ZNF710: variants seen among roughly 807,000 people sequenced by gnomAD.
The protein encoded by ZNF710 is zinc finger protein 710.
Under a neutral mutation model 50.6 loss-of-function variants are expected in ZNF710, and 13 were observed. The observed-to-expected ratio is 0.26, with a 90% CI of 0.17 to 0.41. ZNF710 has a LOEUF of 0.41. Among genes scored for constraint, ZNF710 ranks in the 10% least tolerant of loss-of-function variants. ZNF710 has a pLI of 1.00. For missense variants in ZNF710, 721 were observed against 936.6 expected (o/e 0.77, Z 3.01); for synonymous variants, 383 against 397.0 (o/e 0.96, Z 0.42).
At chr15:90,043,037 C>T (rs758625973) in intron 1 of ZNF710, among the ~76,000 whole-genome samples, 3 of 152,248 alleles carry the variant, frequency 2.0e-5, no homozygotes, top group Non-Finnish European at 2.9e-5. Flanking sequence ...GAGCAGGCGG[C>T]GGGCTTCTTT....
chr15:90,073,999 AC>A (rs371893256), intron 3 of ZNF710, 116 bp from the exon 4 acceptor site: 9,537 of 947,198 alleles, frequency 0.01, 257 homozygotes, highest in East Asian at 0.037. Flanking sequence ...CAAAAAAAAA[AC>A]AAAAAAAAAA....
At chr15:90,007,813 C>T (rs1041729756) in intron 1 of ZNF710, among the ~76,000 whole-genome samples, 4 of 151,528 alleles carry the variant, frequency 2.6e-5, no homozygotes, top group African/African-American at 9.7e-5. Flanking sequence ...TCACCCCCAC[C>T]CCCACTTTAC....
At chr15:90,048,451 C>T (rs80251423) in intron 1 of ZNF710, among the ~76,000 whole-genome samples, 1 of 152,346 alleles carries the variant, frequency 6.6e-6, no homozygotes, top group African/African-American at 2.4e-5. Context: ...GGGTGACTTG[C>T]TTCCTGGCTG....
chr15:90,001,747 C>G (rs945229901), intron 1 of ZNF710, 133 bp downstream of exon 1: 21 of 145,592 alleles, frequency 1.4e-4, no homozygotes, highest in African/African-American at 4.7e-4. Flanking sequence ...CCGCCTCTCC[C>G]TGGGGACGGC....
intron 1 of ZNF710, among the ~76,000 whole-genome samples, chr15:90,031,365 G>C (rs546935728): frequency 1.0e-3 from 156 of 152,308 alleles, no homozygotes; most frequent in Non-Finnish European, 1.9e-3. Context: ...TGGAAACGAA[G>C]TATCTCTCAC....
chr15:90,074,015 A>G, intron 3 of ZNF710, 101 bp from the exon 4 acceptor site: 2 of 1,337,366 alleles, frequency 1.5e-6, no homozygotes, highest in Non-Finnish European at 2.0e-6. Context: ...AAAAAAAACA[A>G]AAGAATAGGA....
intron 1 of ZNF710, among the ~76,000 whole-genome samples, chr15:90,042,126 A>G (rs1899314104): frequency 6.6e-6 from 1 of 151,642 alleles, no homozygotes; most frequent in Admixed American, 6.6e-5. Flanking sequence ...TGAACTCCTG[A>G]CCTCAGGTGA....
chr15:90,007,722 C>T (rs147179586), intron 1 of ZNF710, among the ~76,000 whole-genome samples: 2 of 151,164 alleles, frequency 1.3e-5, no homozygotes, highest in Non-Finnish European at 2.9e-5. Context: ...GTCCCAGAGT[C>T]GCTGGTTGCA....
At chr15:90,043,623 G>A (rs1054436865) in intron 1 of ZNF710, among the ~76,000 whole-genome samples, 1 of 152,198 alleles carries the variant, frequency 6.6e-6, no homozygotes, top group Admixed American at 6.5e-5. Flanking sequence ...AGGAGAGAAG[G>A]AGAAAAGAAG....
At chr15:90,046,602 A>C (rs1192137298) in intron 1 of ZNF710, among the ~76,000 whole-genome samples, 1 of 152,096 alleles carries the variant, frequency 6.6e-6, no homozygotes, top group African/African-American at 2.4e-5. Flanking sequence ...ATCAGTAGTG[A>C]CCAGACCCAG....
In ZNF710 at chr15:90,079,867, G is replaced by C. The variant is rs374812585; in HGVS notation, c.*38G>C. The C allele has an allele frequency of 6.4e-7, 1 of 1,555,044 alleles. No homozygotes were observed. Among genetic ancestry groups the C allele is most frequent in the Non-Finnish European group, 8.6e-7 (1 of 1,156,306 alleles). ...CACCCCTAACGGGGGCCGGGGGCGA[G>C]GGCATGGGGGTGAGACCCATGGGCT... On this transcript the variant is annotated 3_prime_UTR_variant, in exon 5 of 5. Transcript: ENST00000268154.
chr15:90,001,677 G>C (rs1399856010), intron 1 of ZNF710, 63 bp downstream of exon 1: 1 of 144,176 alleles, frequency 6.9e-6, no homozygotes, highest in South Asian at 2.1e-4. Context: ...CCGCGCTGCC[G>C]GCCGGCGGGG....
At chr15:90,011,153 C>G (rs1898291881) in intron 1 of ZNF710, among the ~76,000 whole-genome samples, 1 of 152,164 alleles carries the variant, frequency 6.6e-6, no homozygotes, top group Non-Finnish European at 1.5e-5. Flanking sequence ...TGGTCTTGAA[C>G]TCCTGACCTC....
intron 4 of ZNF710, chr15:90,074,906 A>C (rs913469654): frequency 1.7e-5 from 4 of 241,886 alleles, no homozygotes; most frequent in African/African-American, 9.5e-5. Context: ...CACACTCTTC[A>C]CAAGTGCCTG....
intron 2 of ZNF710, among the ~76,000 whole-genome samples, chr15:90,070,775 C>T (rs1375351795): frequency 1.3e-5 from 2 of 151,530 alleles, no homozygotes; most frequent in Non-Finnish European, 2.9e-5. Flanking sequence ...GCTGTGATTG[C>T]GCCACTGCAC....
chr15:90,007,651 C>T (rs921242497), intron 1 of ZNF710, among the ~76,000 whole-genome samples: 14 of 150,790 alleles, frequency 9.3e-5, no homozygotes, highest in African/African-American at 3.4e-4. Context: ...AGGTTGAATA[C>T]CTTTCTGGAG....
At chr15:90,060,956 A>T (rs536554979) in intron 1 of ZNF710, among the ~76,000 whole-genome samples, 1 of 152,366 alleles carries the variant, frequency 6.6e-6, no homozygotes, top group East Asian at 1.9e-4. Flanking sequence ...TGAGGAGCCA[A>T]CAGGCAAGCC....
At position 90,062,581 on chromosome 15, in the gene ZNF710, C is replaced by T. The variant is rs549475434; in HGVS notation, c.-28-4529C>T. Among the ~76,000 whole-genome samples, 16 of 152,278 alleles carry T rather than the reference C, an allele frequency of 1.1e-4. No individual in the cohort carries two copies. The highest frequency in any genetic ancestry group is 4.1e-4 in the South Asian group (2 of 4,824). ...GGAGGCAGCCCTGGCACACAGGTGA[C>T]GCACACCTGGCAGGCTCTCTTCCTG... is the stretch of plus-strand genomic sequence containing the variant. On this transcript the variant is annotated intron_variant, in intron 1 of 4. Transcript: ENST00000268154. This position sits in a 1 kb window ranked among gnomAD's most constrained non-coding sequence, Gnocchi z 5.6.
Position 90,067,738 on chromosome 15 carries a change from G to A in ZNF710, c.601G>A (p.Glu201Lys), listed in dbSNP as rs1243294850. Residue 201 changes from glutamate (E) to lysine (K), a missense_variant, in exon 2 of 5, where the codon GAG becomes AAG. This residue lies in a region of ZNF710 where 326 missense variants were observed against 347.1 expected (regional missense o/e 0.94). Coordinates refer to ENST00000268154, the MANE Select transcript of ZNF710 (RefSeq NM_198526.4). This position sits in a 1 kb window ranked among gnomAD's most constrained non-coding sequence, Gnocchi z 8.1. ...GGCCCCGGCCCGGGATGGCTTCCCC[G>A]AGCCCAGCATGGCGCTGCCTGGGCC... Reference protein sequence around the residue: ...FPAPARDGFPEPSMALPGPEA... With the variant: ...FPAPARDGFPKPSMALPGPEA... 1.2e-5 allele frequency: 20 copies of A among 1,600,556 alleles called. No individual in the cohort carries two copies. Among genetic ancestry groups the A allele is most frequent in the Non-Finnish European group, 1.6e-5 (19 of 1,174,170 alleles).
Sources: gnomAD v4.1 joint callset for allele counts (sites outside exome capture counted in the v4.1 genomes callset) on GRCh38, gnomAD v4.1.1 for gene constraint, gnomAD v4.1.1 regional missense constraint, Gnocchi (gnomAD v3.1) non-coding constraint, MANE v1.5 for transcripts, NCBI Gene and HGNC (gene_info 2026-07-23, HGNC 2026-07-21) for gene names.